The following RNF125 variants were observed in gnomAD, a reference collection of about 807,000 sequenced individuals.
The protein encoded by RNF125 is ring finger protein 125.
RNF125 carries 21 observed loss-of-function variants against 26.0 expected under a neutral mutation model. The ratio of observed to expected loss-of-function variants is 0.81; its 90% CI spans 0.57 to 1.16. RNF125 has a LOEUF of 1.16. Ranked by LOEUF, RNF125 falls within the 50% of genes most tolerant of loss-of-function variation. The pLI, the probability that RNF125 is intolerant of heterozygous loss-of-function variation, is 0.00. For synonymous variants in RNF125, 95 were observed against 109.2 expected (o/e 0.87, Z 0.81); for missense variants, 270 against 299.4 (o/e 0.90, Z 0.72).
At chr18:32,053,884 G>T (rs1221625988) in intron 4 of RNF125, among the ~76,000 whole-genome samples, 1 of 151,950 alleles carries the variant, frequency 6.6e-6, no homozygotes, top group East Asian at 1.9e-4. Context: ...ACCCTGGTAA[G>T]GACCAGTTCA....
At chr18:32,034,633 C>T (rs2039133942) in intron 1 of RNF125, among the ~76,000 whole-genome samples, 2 of 152,066 alleles carry the variant, frequency 1.3e-5, no homozygotes, top group Non-Finnish European at 2.9e-5. Flanking sequence ...AAATTACTGG[C>T]CGGGCACAGT....
intron 4 of RNF125, among the ~76,000 whole-genome samples, chr18:32,047,779 A>G (rs2039285919): frequency 6.6e-6 from 1 of 152,172 alleles, no homozygotes; most frequent in Admixed American, 6.6e-5. Flanking sequence ...ACATAAATAT[A>G]TTAGACAGGT....
chr18:32,032,952 C>T (rs919145026), intron 1 of RNF125, among the ~76,000 whole-genome samples: 6 of 152,188 alleles, frequency 3.9e-5, no homozygotes, highest in African/African-American at 1.4e-4. Flanking sequence ...TGACATTTCA[C>T]ATTTAGCATG....
rs79362693 is a variant in RNF125, at chr18:32,020,137, T to A, written c.164+1110T>A. Reference sequence around the variant, plus strand: ...ACCTCCGCCCACTGCAACCTCCGCCTCCCAGGCTCAAGTGAGTCTCCTGCC... The same window carrying A: ...ACCTCCGCCCACTGCAACCTCCGCCACCCAGGCTCAAGTGAGTCTCCTGCC... On this transcript the variant is annotated intron_variant, in intron 1 of 5. Coordinates refer to ENST00000217740, the MANE Select transcript of RNF125 (RefSeq NM_017831.4). Among the ~76,000 whole-genome samples, 121 of 151,926 alleles carry A rather than the reference T, an allele frequency of 8.0e-4. 1 individual carries two copies. The East Asian group carries it at 0.019, about 24-fold the overall frequency.
chr18:32,051,049 G>A (rs1175778824), intron 4 of RNF125, among the ~76,000 whole-genome samples: 1 of 151,488 alleles, frequency 6.6e-6, no homozygotes, highest in Admixed American at 6.6e-5. Context: ...TTCACTGGTT[G>A]GCTCTTACTC....
chr18:32,023,018 T>A (rs1257645421), intron 1 of RNF125, among the ~76,000 whole-genome samples: 1 of 152,178 alleles, frequency 6.6e-6, no homozygotes, highest in Non-Finnish European at 1.5e-5. Context: ...GATCTCACTC[T>A]GCCACCCAGG....
intron 5 of RNF125, 36 bp downstream of exon 5, chr18:32,066,045 A>C: frequency 7.4e-7 from 1 of 1,344,858 alleles, no homozygotes; most frequent in African/African-American, 1.4e-5. Flanking sequence ...TTATGTTTTC[A>C]TGCTGTCTTG....
At chr18:32,022,464 A>G (rs941186643) in intron 1 of RNF125, among the ~76,000 whole-genome samples, 22 of 152,138 alleles carry the variant, frequency 1.4e-4, no homozygotes, top group Admixed American at 4.6e-4. Flanking sequence ...ACAAGGGGGG[A>G]AAAGCTTACA....
At chr18:32,075,133 G>A (rs1024628048), downstream of RNF125, among the ~76,000 whole-genome samples, 1 of 152,150 alleles carries the variant, frequency 6.6e-6, no homozygotes, top group East Asian at 1.9e-4. Flanking sequence ...TCATCAGGAA[G>A]TCATTGATAT....
chr18:32,023,613 T>G (rs1286617250), intron 1 of RNF125, among the ~76,000 whole-genome samples: 1 of 152,220 alleles, frequency 6.6e-6, no homozygotes, highest in Non-Finnish European at 1.5e-5. Flanking sequence ...GACATTCCAG[T>G]TAAAGCCTTG....
At chr18:32,046,214 CAAA>C (rs768054716) in intron 4 of RNF125, among the ~76,000 whole-genome samples, 7 of 76,146 alleles carry the variant, frequency 9.2e-5, no homozygotes, top group African/African-American at 1.1e-4. Flanking sequence ...AAGACTGTCT[CAAA>C]AAAAAAAAAA....
intron 1 of RNF125, among the ~76,000 whole-genome samples, chr18:32,020,274 C>T (rs1334786712): frequency 6.6e-6 from 1 of 151,962 alleles, no homozygotes; most frequent in Non-Finnish European, 1.5e-5. Context: ...TCTTGAACTC[C>T]TGACCTCAAT....
the RNF125 span, among the ~76,000 whole-genome samples, chr18:32,083,996 G>A: frequency 6.6e-6 from 1 of 152,076 alleles, no homozygotes; most frequent in Non-Finnish European, 1.5e-5. Flanking sequence ...GAGAAAGGGA[G>A]AGAAGAGCGA....
At chr18:32,054,004 C>T (rs1001099424) in intron 4 of RNF125, among the ~76,000 whole-genome samples, 1 of 151,514 alleles carries the variant, frequency 6.6e-6, no homozygotes, top group Non-Finnish European at 1.5e-5. Flanking sequence ...GGAAATGCAT[C>T]CTAATAGACC....
intron 4 of RNF125, among the ~76,000 whole-genome samples, chr18:32,056,885 A>G (rs1403279177): frequency 6.6e-6 from 1 of 152,204 alleles, no homozygotes; most frequent in East Asian, 1.9e-4. Context: ...AAGCTTATAC[A>G]TAATAGACAT....
chr18:32,030,567 C>T (rs535817000), intron 1 of RNF125, among the ~76,000 whole-genome samples: 1 of 152,166 alleles, frequency 6.6e-6, no homozygotes, highest in Admixed American at 6.6e-5. Context: ...TTTGCAATCC[C>T]ACTGTAAACC....
At chr18:32,057,860 C>T (rs1185766813) in intron 4 of RNF125, among the ~76,000 whole-genome samples, 1 of 152,082 alleles carries the variant, frequency 6.6e-6, no homozygotes, top group Non-Finnish European at 1.5e-5. Context: ...CCTAGAGTGT[C>T]TGATAAAATA....
At chr18:32,059,280 T>A (rs185992360) in intron 4 of RNF125, among the ~76,000 whole-genome samples, 328 of 152,272 alleles carry the variant, frequency 2.2e-3, no homozygotes, top group Admixed American at 5.7e-3. Flanking sequence ...CTCGTCAGCA[T>A]CTGTTATTGT....
At chr18:32,053,366 CAA>C (rs59117416) in intron 4 of RNF125, among the ~76,000 whole-genome samples, 13,831 of 138,312 alleles carry the variant, frequency 0.1, 2,066 homozygotes, top group African/African-American at 0.33. Flanking sequence ...CTGTCTCAAA[CAA>C]AAAAAAAAAG....
Sources: gnomAD v4.1 joint callset for allele counts (sites outside exome capture counted in the v4.1 genomes callset) on GRCh38, gnomAD v4.1.1 for gene constraint, MANE v1.5 for transcripts, NCBI Gene and HGNC (gene_info 2026-07-23, HGNC 2026-07-21) for gene names.